Variants in ACSS3 observed in about 807,000 individuals in gnomAD.
The protein encoded by ACSS3 is acyl-CoA synthetase short-chain family member 3, mitochondrial.
A neutral mutation model predicts 84.2 loss-of-function variants in ACSS3; 64 were observed. The observed-to-expected ratio is 0.76, with a 90% CI of 0.62 to 0.94. ACSS3 has a LOEUF of 0.94. Ranked by LOEUF, ACSS3 falls within the 40% of genes least tolerant of loss-of-function variation. The pLI is 0.00. For synonymous variants in ACSS3, 317 were observed against 310.1 expected, an observed-to-expected ratio of 1.02 and a Z score of -0.23; for missense variants, 815 against 867.6, an observed-to-expected ratio of 0.94 and a Z score of 0.76.
At chr12:81,231,703 G>T (rs558480349) in intron 12 of ACSS3, among the ~76,000 whole-genome samples, 3 of 151,682 alleles carry the variant, frequency 2.0e-5, no homozygotes, top group African/African-American at 7.3e-5. Context: ...AACACCCAGC[G>T]TCCTGGATAA....
intron 2 of ACSS3, among the ~76,000 whole-genome samples, chr12:81,116,337 T>C (rs1357035103): frequency 1.3e-5 from 2 of 152,030 alleles, no homozygotes; most frequent in Non-Finnish European, 2.9e-5. Context: ...AAACAACAGT[T>C]TAGTATTTCC....
intron 2 of ACSS3, among the ~76,000 whole-genome samples, chr12:81,125,275 C>G (rs1210327042): frequency 1.3e-5 from 2 of 152,106 alleles, no homozygotes; most frequent in Non-Finnish European, 2.9e-5. Context: ...TAGCTAGTTT[C>G]TTATCTATTT....
chr12:81,180,937 A>C (rs2030879157), intron 8 of ACSS3, among the ~76,000 whole-genome samples: 1 of 152,198 alleles, frequency 6.6e-6, no homozygotes, highest in Non-Finnish European at 1.5e-5. Context: ...ACTATCCTAT[A>C]ACTAAAAGAA....
chr12:81,230,923 G>A (rs2033436562), intron 11 of ACSS3, 134 bp from the exon 12 acceptor site: 1 of 705,020 alleles, frequency 1.4e-6, no homozygotes. Flanking sequence ...GATCTGTCCA[G>A]CAGATTTAGG....
chr12:81,089,926 C>T (rs1031710260), intron 1 of ACSS3, among the ~76,000 whole-genome samples: 1 of 151,958 alleles, frequency 6.6e-6, no homozygotes, highest in East Asian at 1.9e-4. Context: ...CAGTGGTGGA[C>T]TTAGTTTTTT....
At chr12:81,236,452 A>C (rs1180829469) in intron 13 of ACSS3, among the ~76,000 whole-genome samples, 1 of 151,238 alleles carries the variant, frequency 6.6e-6, no homozygotes, top group African/African-American at 2.4e-5. Context: ...TCTTTGAATC[A>C]TGTTTGAATC....
intron 2 of ACSS3, among the ~76,000 whole-genome samples, chr12:81,129,019 A>G (rs1051667996): frequency 3.3e-5 from 5 of 152,204 alleles, no homozygotes; most frequent in African/African-American, 9.6e-5. Context: ...AAATCGTACT[A>G]TTGATTCTGT....
chr12:81,259,655 C>T lies in ACSS3; in HGVS notation c.*4733C>T, dbSNP rs1405170326. 1.2e-5 allele frequency: 19 copies of T among 1,534,158 alleles called. No individual in the cohort carries two copies. The highest frequency in any genetic ancestry group is 1.2e-4 in the African/African-American group (9 of 72,916). On this transcript the variant is annotated 3_prime_UTR_variant, in exon 16 of 16. Transcript: ENST00000548058. ...CTTTAGGTAGAGTAGACTGAAAAGA[C>T]GCCATCTAAAATATACAATGGATAG...
At chr12:81,086,112 G>A (rs958637645) in intron 1 of ACSS3, among the ~76,000 whole-genome samples, 2 of 152,110 alleles carry the variant, frequency 1.3e-5, no homozygotes, top group African/African-American at 4.8e-5. Context: ...GGGAAATTCA[G>A]TATTTGTCAG....
chr12:81,252,745 C>G (rs2034192544), intron 13 of ACSS3, among the ~76,000 whole-genome samples: 1 of 152,022 alleles, frequency 6.6e-6, no homozygotes, highest in Non-Finnish European at 1.5e-5. Context: ...TGGGGATTAT[C>G]TGATGTCAGG....
chr12:81,159,094 C>CT (rs1038236563), intron 7 of ACSS3, among the ~76,000 whole-genome samples: 3 of 151,958 alleles, frequency 2.0e-5, no homozygotes, highest in Admixed American at 1.3e-4. Context: ...TTTAAATTTT[C>CT]TTTTTTTTAC....
intron 8 of ACSS3, among the ~76,000 whole-genome samples, chr12:81,198,492 CTGTT>C (rs558667348): frequency 1.0e-3 from 154 of 151,706 alleles, no homozygotes; most frequent in Non-Finnish European, 1.7e-3. Flanking sequence ...TGTTTGTCAA[CTGTT>C]TGTGTTTTAC....
At position 81,259,596 on chromosome 12, in the gene ACSS3, G is replaced by T. The variant is rs972713463; in HGVS notation, c.*4674G>T. 29 of 1,522,570 alleles carry T rather than the reference G, an allele frequency of 1.9e-5. No individual in the cohort carries two copies. The highest frequency in any genetic ancestry group is 7.9e-5 in the Admixed American group (4 of 50,800). 94.3% of individuals were successfully genotyped at this position (1,522,570 alleles called of 1,614,324 possible). ...TCCTTAGAATTCAGTTTTCACAAAG[G>T]TTTTCACTGCTCGTCTTCTTAGATG... On this transcript the variant is annotated 3_prime_UTR_variant, in exon 16 of 16. Coordinates refer to ENST00000548058, the MANE Select transcript of ACSS3 (RefSeq NM_024560.4).
At chr12:81,213,413 G>A (rs990000381) in intron 9 of ACSS3, among the ~76,000 whole-genome samples, 1 of 152,016 alleles carries the variant, frequency 6.6e-6, no homozygotes, top group Non-Finnish European at 1.5e-5. Context: ...TACAAAGAAG[G>A]ATAACCAAAG....
intron 9 of ACSS3, among the ~76,000 whole-genome samples, chr12:81,200,284 C>T (rs2032040978): frequency 6.6e-6 from 1 of 152,304 alleles, no homozygotes; most frequent in East Asian, 1.9e-4. Context: ...CAGCTATGAG[C>T]CATGGGAGCC....
At chr12:81,103,693 T>TA (rs34415882) in intron 1 of ACSS3, among the ~76,000 whole-genome samples, 196 of 150,762 alleles carry the variant, frequency 1.3e-3, no homozygotes, top group African/African-American at 4.3e-3. Flanking sequence ...TACTCTTGTT[T>TA]AAAAAAAAAA....
intron 8 of ACSS3, among the ~76,000 whole-genome samples, chr12:81,193,380 T>C (rs1206404750): frequency 6.6e-6 from 1 of 152,122 alleles, no homozygotes; most frequent in South Asian, 2.1e-4. Flanking sequence ...AAATTCTTCA[T>C]CAGATTTGTC....
rs1429501163 is a variant in ACSS3, at chr12:81,256,953, T to A, written c.*2031T>A. Reference sequence around the variant, plus strand: ...CCATTGTCACAACTGTGGTCTTCATTAATAACTCATTTTAATGTCTTAGGA... The same window carrying A: ...CCATTGTCACAACTGTGGTCTTCATAAATAACTCATTTTAATGTCTTAGGA... On this transcript the variant is annotated 3_prime_UTR_variant, in exon 16 of 16. Transcript: ENST00000548058. 6.6e-6 allele frequency: 1 copy of A among 152,188 alleles called. No individual in the cohort carries two copies. Among genetic ancestry groups the A allele is most frequent in the African/African-American group, 2.4e-5 (1 of 41,456 alleles). The allele number at this position is 152,188 out of a possible 1,614,324, so 9.4% of individuals were successfully genotyped here.
intron 2 of ACSS3, among the ~76,000 whole-genome samples, chr12:81,126,738 G>C (rs1431903498): frequency 6.6e-6 from 1 of 152,040 alleles, no homozygotes; most frequent in Admixed American, 6.6e-5. Context: ...TTGAACTAAA[G>C]GGATTAAATA....
Sources: allele counts gnomAD v4.1 joint callset (sites outside exome capture counted in the v4.1 genomes callset), GRCh38; gene constraint gnomAD v4.1.1; transcripts MANE v1.5; gene names NCBI Gene and HGNC (gene_info 2026-07-23, HGNC 2026-07-21).